Variants in AAK1 observed in about 807,000 individuals in gnomAD.
AAK1 encodes AP2-associated protein kinase 1.
Under a neutral mutation model 116.0 loss-of-function variants are expected in AAK1, and 37 were observed. The ratio of observed to expected loss-of-function variants is 0.32; its 90% CI spans 0.25 to 0.42. AAK1 has a LOEUF of 0.42. Ranked by LOEUF, AAK1 falls within the 10% of genes least tolerant of loss-of-function variation. The pLI is 1.00. For missense variants in AAK1, 919 were observed against 1,170.6 expected (o/e 0.79, Z 3.14); for synonymous variants, 458 against 439.9 (o/e 1.04, Z -0.51).
At chr2:69,618,385 C>T (rs1352915335) in intron 2 of AAK1, among the ~76,000 whole-genome samples, 1 of 152,110 alleles carries the variant, frequency 6.6e-6, no homozygotes, top group African/African-American at 2.4e-5. Flanking sequence ...AACTTAGCTC[C>T]ACAATCAAGC....
chr2:69,585,353 C>A (rs1235843204), intron 2 of AAK1, among the ~76,000 whole-genome samples: 1 of 152,140 alleles, frequency 6.6e-6, no homozygotes, highest in Non-Finnish European at 1.5e-5. Context: ...TGAGCCACTG[C>A]GCCCAGCCAG....
chr2:69,558,223 G>T (rs1671472264), intron 2 of AAK1, among the ~76,000 whole-genome samples: 1 of 151,832 alleles, frequency 6.6e-6, no homozygotes, highest in Non-Finnish European at 1.5e-5. Context: ...GCACACCTAT[G>T]GCCCAGCTAC....
At chr2:69,553,453 T>G (rs1009683138) in intron 3 of AAK1, among the ~76,000 whole-genome samples, 2 of 142,048 alleles carry the variant, frequency 1.4e-5, no homozygotes, top group Non-Finnish European at 3.1e-5. Flanking sequence ...TTTTTTTTTT[T>G]TTTTTTTTTG....
At position 69,496,011 on chromosome 2, in the gene AAK1, A is replaced by G; in HGVS notation, c.2339T>C (p.Ile780Thr). ...LPLLSVSDPF[I>T]PLQVPDAPEK... ...TGGTGCATCAGGTACTTGAAGAGGA[A>G]TGAAAGGATCAGACACGCTTAGAAG... The change falls in exon 17 of 22, where the codon ATT (isoleucine) becomes ACT (threonine). Residue 780 changes from isoleucine to threonine, a missense_variant. Coordinates refer to ENST00000409085, the MANE Select transcript of AAK1 (RefSeq NM_014911.5). The G allele has an allele frequency of 6.4e-7, 1 of 1,554,350 alleles. No homozygotes were observed. Among genetic ancestry groups the G allele is most frequent in the Non-Finnish European group, 8.7e-7 (1 of 1,148,492 alleles).
At chr2:69,511,181 T>C (rs1676381617) in intron 13 of AAK1, among the ~76,000 whole-genome samples, 1 of 152,160 alleles carries the variant, frequency 6.6e-6, no homozygotes, top group Admixed American at 6.5e-5. Flanking sequence ...ATGCTGCAAC[T>C]CAGTTCAGCT....
At chr2:69,564,184 T>TC (rs1671769429) in intron 2 of AAK1, among the ~76,000 whole-genome samples, 2 of 150,014 alleles carry the variant, frequency 1.3e-5, no homozygotes, top group Non-Finnish European at 3.0e-5. Flanking sequence ...AGAGTGAGAC[T>TC]CCATCTCAAA....
chr2:69,550,627 A>G (rs1291223712), intron 3 of AAK1, among the ~76,000 whole-genome samples: 1 of 147,800 alleles, frequency 6.8e-6, no homozygotes, highest in Non-Finnish European at 1.5e-5. Context: ...ATTTTTATTT[A>G]TTTATTTAGA....
At chr2:69,500,191 T>C (rs2104944783) in intron 16 of AAK1, 1 of 152,290 alleles carries the variant, frequency 6.6e-6, no homozygotes, top group South Asian at 2.1e-4. Flanking sequence ...TTATAGAAAA[T>C]GATGTCATCT....
intron 6 of AAK1, 172 bp downstream of exon 6, chr2:69,531,868 CT>C (rs1670273596): frequency 1.5e-5 from 20 of 1,293,758 alleles, no homozygotes; most frequent in Non-Finnish European, 1.9e-5. Context: ...TGTAAACCCC[CT>C]CCTCATTCTT....
chr2:69,472,807 C>T lies in AAK1; in HGVS notation c.*3062G>A. On this transcript the variant is annotated 3_prime_UTR_variant, in exon 22 of 22. Coordinates refer to ENST00000409085, the MANE Select transcript of AAK1 (RefSeq NM_014911.5). ...CATTTAAAAAGAAATCTTCTGATAC[C>T]ATTTTATTAGAATAGGTAGGTGTGT... 1.0e-6 allele frequency: 1 copy of T among 985,404 alleles called. No homozygotes were observed. The highest frequency in any genetic ancestry group is 1.2e-6 in the Non-Finnish European group (1 of 829,792). The allele number at this position is 985,404 out of a possible 1,614,324, so 61.0% of individuals were successfully genotyped here.
chr2:69,588,001 G>A (rs1005980833), intron 2 of AAK1, among the ~76,000 whole-genome samples: 6 of 151,870 alleles, frequency 4.0e-5, no homozygotes, highest in African/African-American at 9.7e-5. Flanking sequence ...GGCCTCAAGC[G>A]ATCCTCCTAC....
intron 4 of AAK1, 124 bp from the exon 5 acceptor site, chr2:69,542,789 C>G (rs1176022809): frequency 1.8e-6 from 2 of 1,089,246 alleles, no homozygotes; most frequent in Non-Finnish European, 2.6e-6. Context: ...TGACCACTGA[C>G]TGAGCCAGGA....
intron 9 of AAK1, among the ~76,000 whole-genome samples, 168 bp downstream of exon 9, chr2:69,527,048 A>G (rs969098108): frequency 6.6e-6 from 1 of 152,180 alleles, no homozygotes; most frequent in African/African-American, 2.4e-5. Context: ...TCCATGGGAA[A>G]ACTGGATTCC....
chr2:69,622,260 C>T (rs562495347), intron 2 of AAK1, among the ~76,000 whole-genome samples: 3 of 152,216 alleles, frequency 2.0e-5, no homozygotes, highest in Non-Finnish European at 4.4e-5. Context: ...GCCTTAGCTG[C>T]CTCCCCGCGG....
chr2:69,544,238 G>A, intron 4 of AAK1, 198 bp downstream of exon 4: 1 of 506,764 alleles, frequency 2.0e-6, no homozygotes, highest in Non-Finnish European at 3.5e-6. Flanking sequence ...TAACAAAAAT[G>A]GAGTTCTATA....
intron 17 of AAK1, among the ~76,000 whole-genome samples, chr2:69,487,798 T>TC (rs1351185428): frequency 2.0e-5 from 3 of 149,632 alleles, no homozygotes; most frequent in African/African-American, 7.3e-5. Flanking sequence ...TTTTTTTTTT[T>TC]TTTTTTTTGA....
chr2:69,513,365 G>C (rs1418888764), intron 13 of AAK1, among the ~76,000 whole-genome samples: 1 of 151,892 alleles, frequency 6.6e-6, no homozygotes, highest in Non-Finnish European at 1.5e-5. Context: ...TGTGGCCCAG[G>C]CTGGAGTGCA....
intron 2 of AAK1, among the ~76,000 whole-genome samples, chr2:69,560,111 C>T (rs1269459210): frequency 6.6e-6 from 1 of 152,242 alleles, no homozygotes; most frequent in Non-Finnish European, 1.5e-5. Flanking sequence ...AAGGGCTTAT[C>T]TGCAGATGAG....
chr2:69,478,341 G>GGTAA (rs1674928879), intron 20 of AAK1: 1 of 152,246 alleles, frequency 6.6e-6, no homozygotes, highest in African/African-American at 2.4e-5. Context: ...AGCTCTTAAA[G>GGTAA]GTAACATGGA....
Sources: gnomAD v4.1 joint callset for allele counts (sites outside exome capture counted in the v4.1 genomes callset) on GRCh38, gnomAD v4.1.1 for gene constraint, MANE v1.5 for transcripts, NCBI Gene and HGNC (gene_info 2026-07-23, HGNC 2026-07-21) for gene names.